RBFOX1: variants seen among roughly 807,000 people sequenced by gnomAD.
RBFOX1 encodes RNA binding protein fox-1 homolog 1.
A neutral mutation model predicts 57.7 loss-of-function variants in RBFOX1; 8 were observed. The ratio of observed to expected loss-of-function variants is 0.14; its 90% confidence interval spans 0.08 to 0.25. RBFOX1 has a LOEUF of 0.25. Ranked by LOEUF, RBFOX1 falls within the 10% of genes least tolerant of loss-of-function variation. RBFOX1 has a pLI of 1.00. For synonymous variants in RBFOX1, 326 were observed against 222.4 expected, an observed-to-expected ratio of 1.47 and a Z score of -4.15; for missense variants, 611 against 548.5, an observed-to-expected ratio of 1.11 and a Z score of -1.14.
chr16:7,139,081 G>A (rs2072868156), intron 4 of RBFOX1, among the ~76,000 whole-genome samples: 2 of 152,058 alleles, frequency 1.3e-5, no homozygotes, highest in Non-Finnish European at 2.9e-5. Flanking sequence ...TGGGATTACA[G>A]GCATGAGCCA....
chr16:5,599,278 C>A lies in RBFOX1; in HGVS notation c.*29C>A, dbSNP rs1347071697. 2.9e-5 allele frequency: 19 copies of A among 647,916 alleles called. No individual in the cohort carries two copies. In the South Asian group the frequency reaches 3.4e-4, roughly 12 times the overall value. 40.1% of individuals were successfully genotyped at this position (647,916 alleles called of 1,614,324 possible). A position where few individuals can be genotyped will look rare whatever the true frequency, so the allele number is the denominator to read the frequency against. On this transcript the variant is annotated 3_prime_UTR_variant, in exon 3 of 3. Transcript: ENST00000585867. ...GGCTGCAAATTGGTCCCTCTGCGCC[C>A]TGGTGTGACGGCCCCAGGTTGTGGG...
chr16:7,291,433 C>T (rs1263093382), intron 4 of RBFOX1, among the ~76,000 whole-genome samples: 1 of 151,948 alleles, frequency 6.6e-6, no homozygotes, highest in Non-Finnish European at 1.5e-5. Flanking sequence ...CTAGTATAGC[C>T]ACAATGGAAA....
At chr16:6,970,949 C>T (rs562311319) in intron 3 of RBFOX1, among the ~76,000 whole-genome samples, 1 of 152,148 alleles carries the variant, frequency 6.6e-6, no homozygotes, top group African/African-American at 2.4e-5. Flanking sequence ...CACAGGTGCA[C>T]GTGCATACCT....
chr16:5,965,556 C>G (rs971743227), intron 4 of RBFOX1, among the ~76,000 whole-genome samples: 20 of 152,160 alleles, frequency 1.3e-4, no homozygotes, highest in African/African-American at 4.3e-4. Context: ...AGGAAATGTT[C>G]TGTCACATAA....
intron 3 of RBFOX1, among the ~76,000 whole-genome samples, chr16:6,910,751 G>GA (rs1177937563): frequency 6.6e-6 from 1 of 152,190 alleles, no homozygotes; most frequent in Non-Finnish European, 1.5e-5. Flanking sequence ...GGAGGCCTGG[G>GA]AAGATTACAC....
intron 2 of RBFOX1, among the ~76,000 whole-genome samples, chr16:5,528,925 C>T (rs1206283248): frequency 1.3e-5 from 2 of 152,154 alleles, no homozygotes; most frequent in Non-Finnish European, 2.9e-5. Flanking sequence ...GCTGGGATTA[C>T]AGGTGTGAGC....
intron 1 of RBFOX1, among the ~76,000 whole-genome samples, chr16:6,167,959 C>G (rs1026468045): frequency 1.1e-4 from 17 of 152,126 alleles, no homozygotes; most frequent in Non-Finnish European, 7.3e-5. Flanking sequence ...TAAACTCCAC[C>G]CATGGCAAAA....
At chr16:6,646,127 C>T (rs964913485) in intron 2 of RBFOX1, among the ~76,000 whole-genome samples, 2 of 152,000 alleles carry the variant, frequency 1.3e-5, no homozygotes, top group Admixed American at 6.6e-5. Context: ...GTTTTCCAAG[C>T]GAAGTGGTCG....
At chr16:6,898,821 A>G (rs1236680127) in intron 3 of RBFOX1, among the ~76,000 whole-genome samples, 7 of 151,632 alleles carry the variant, frequency 4.6e-5, no homozygotes, top group Non-Finnish European at 8.8e-5. Context: ...CATGTGTATA[A>G]TACATGTGTG....
At chr16:6,289,076 G>T (rs1177103612) in intron 1 of RBFOX1, among the ~76,000 whole-genome samples, 1 of 152,116 alleles carries the variant, frequency 6.6e-6, no homozygotes, top group Admixed American at 6.5e-5. Flanking sequence ...TTGTGTTCAA[G>T]ATAGAGAATA....
chr16:7,222,769 G>A (rs1002378491), intron 4 of RBFOX1, among the ~76,000 whole-genome samples: 6 of 152,224 alleles, frequency 3.9e-5, no homozygotes, highest in South Asian at 4.1e-4. Context: ...AAAGTGGTAA[G>A]CAGGAACCAG....
At chr16:6,823,907 G>A (rs1392552190) in intron 3 of RBFOX1, among the ~76,000 whole-genome samples, 1 of 152,136 alleles carries the variant, frequency 6.6e-6, no homozygotes, top group Non-Finnish European at 1.5e-5. Context: ...GAGCATGCTG[G>A]AGTTACACGT....
chr16:6,437,883 C>T (rs2094280515), intron 2 of RBFOX1, among the ~76,000 whole-genome samples: 1 of 152,148 alleles, frequency 6.6e-6, no homozygotes, highest in Admixed American at 6.5e-5. Flanking sequence ...CTCCCTCCTC[C>T]AACATTAAGA....
intron 5 of RBFOX1, among the ~76,000 whole-genome samples, chr16:7,528,343 T>C (rs559118483): frequency 1.3e-5 from 2 of 152,350 alleles, no homozygotes; most frequent in African/African-American, 4.8e-5. Flanking sequence ...ATCTTTATTT[T>C]TGGTTAGGTC....
chr16:5,827,243 T>A (rs2056091512), intron 3 of RBFOX1, among the ~76,000 whole-genome samples: 1 of 151,324 alleles, frequency 6.6e-6, no homozygotes, highest in African/African-American at 2.4e-5. Flanking sequence ...CTACTAAAAT[T>A]ACAAAAATTA....
At chr16:6,122,093 A>AT (rs1421687008) in intron 1 of RBFOX1, among the ~76,000 whole-genome samples, 1 of 152,040 alleles carries the variant, frequency 6.6e-6, no homozygotes, top group Admixed American at 6.5e-5. Flanking sequence ...TTTAGTAGAG[A>AT]TGGGGTTTCA....
chr16:6,081,713 G>C (rs1198238398), intron 1 of RBFOX1, among the ~76,000 whole-genome samples: 1 of 152,140 alleles, frequency 6.6e-6, no homozygotes, highest in Non-Finnish European at 1.5e-5. Context: ...GAGCTAAATG[G>C]GGAAGAAGGT....
intron 3 of RBFOX1, among the ~76,000 whole-genome samples, chr16:6,701,365 C>T (rs1015253199): frequency 6.6e-5 from 10 of 152,220 alleles, no homozygotes; most frequent in African/African-American, 1.4e-4. Flanking sequence ...CCCTGTTTAC[C>T]ATCATCTTAC....
chr16:6,609,545 C>T (rs536569248), intron 2 of RBFOX1, among the ~76,000 whole-genome samples: 1 of 151,940 alleles, frequency 6.6e-6, no homozygotes, highest in Non-Finnish European at 1.5e-5. Flanking sequence ...GGTTTCACTA[C>T]ATTGCCCAGG....
Sources: allele counts gnomAD v4.1 joint callset (sites outside exome capture counted in the v4.1 genomes callset), GRCh38; gene constraint gnomAD v4.1.1; transcripts MANE v1.5; gene names NCBI Gene and HGNC (gene_info 2026-07-23, HGNC 2026-07-21).